ADGRL2: variants seen among roughly 807,000 people sequenced by gnomAD.
The protein encoded by ADGRL2 is adhesion G protein-coupled receptor L2, also known as calcium-independent alpha-latrotoxin receptor 2.
A neutral mutation model predicts 157.4 loss-of-function variants in ADGRL2; 44 were observed. The ratio of observed to expected loss-of-function variants is 0.28; its 90% CI spans 0.22 to 0.36. The LOEUF is 0.36. ADGRL2 is among the 10% of genes least tolerant of loss of function. ADGRL2 has a pLI of 1.00. For missense variants in ADGRL2, 1,510 were observed against 1,768.9 expected, an observed-to-expected ratio of 0.85 and a Z score of 2.63; for synonymous variants, 585 against 624.7, an observed-to-expected ratio of 0.94 and a Z score of 0.95.
intron 1 of ADGRL2, among the ~76,000 whole-genome samples, chr1:81,359,906 T>G (rs910378915): frequency 6.6e-6 from 1 of 152,014 alleles, no homozygotes; most frequent in South Asian, 2.1e-4. Flanking sequence ...CAAGTCCTTT[T>G]AGGCCTACTT....
intron 2 of ADGRL2, among the ~76,000 whole-genome samples, chr1:81,842,353 C>CTTT (rs71085377): frequency 0.054 from 2,988 of 54,902 alleles, 373 homozygotes; most frequent in African/African-American, 0.068. Flanking sequence ...TCTTTTAGCG[C>CTTT]TTTTTTTTTT....
chr1:81,886,457 A>G lies in ADGRL2; in HGVS notation c.74-20560A>G, dbSNP rs181543750. On this transcript the variant is annotated intron_variant, in intron 2 of 23. Transcript: ENST00000686636. The stretch of plus-strand genomic sequence containing the variant: ...AGTGCTGGGATTACAGGCATGAGCC[A>G]CCATGCCCAGCTGGTACACCTTTTA... Among the ~76,000 whole-genome samples, 98 of 152,328 alleles carry G rather than the reference A, an allele frequency of 6.4e-4. 1 individual carries two copies. Among genetic ancestry groups the G allele is most frequent in the African/African-American group, 2.3e-3 (94 of 41,584 alleles).
At chr1:81,923,443 T>A (rs1229493070) in intron 3 of ADGRL2, among the ~76,000 whole-genome samples, 1 of 152,166 alleles carries the variant, frequency 6.6e-6, no homozygotes, top group Non-Finnish European at 1.5e-5. Flanking sequence ...TGAATTTGGT[T>A]ATTTATATTC....
intron 5 of ADGRL2, 22 bp downstream of exon 5, chr1:81,942,067 C>A (rs759776310): frequency 2.6e-6 from 2 of 765,586 alleles, no homozygotes; most frequent in East Asian, 2.5e-5. Flanking sequence ...ACAGTCTGAA[C>A]CCCAGCTCCC....
In ADGRL2 at chr1:81,966,391, T is replaced by C. The variant is rs1657049270; in HGVS notation, c.2144-13T>C. The C allele has an allele frequency of 3.1e-6, 5 of 1,612,398 alleles. No homozygotes were observed. Among genetic ancestry groups the C allele is most frequent in the Middle Eastern group, 1.6e-4 (1 of 6,074 alleles). Reference sequence around the variant, plus strand: ...GTTTTTTGTACATCATGTGACTATTTTTACCTTCCTAGGGCTTGCAAAGTT... The same window carrying C: ...GTTTTTTGTACATCATGTGACTATTCTTACCTTCCTAGGGCTTGCAAAGTT... On this transcript the variant is annotated splice_polypyrimidine_tract_variant and intron_variant, in intron 12 of 23. Transcript: ENST00000686636.
At chr1:81,411,961 A>G (rs1450919431) in intron 1 of ADGRL2, among the ~76,000 whole-genome samples, 1 of 152,114 alleles carries the variant, frequency 6.6e-6, no homozygotes, top group African/African-American at 2.4e-5. Context: ...AGATTCTGAT[A>G]GCTCTTAGAC....
At chr1:81,915,511 T>C (rs1472985378) in intron 3 of ADGRL2, among the ~76,000 whole-genome samples, 1 of 152,216 alleles carries the variant, frequency 6.6e-6, no homozygotes, top group African/African-American at 2.4e-5. Flanking sequence ...TTTTGTATTA[T>C]GTCCATTGAT....
intron 2 of ADGRL2, among the ~76,000 whole-genome samples, chr1:81,763,622 C>T (rs1449438153): frequency 1.3e-5 from 2 of 150,242 alleles, no homozygotes; most frequent in Non-Finnish European, 3.0e-5. Flanking sequence ...TGGTGGCTCA[C>T]GCCTGTAATC....
At chr1:81,371,632 A>ATCAC (rs1230854292) in intron 1 of ADGRL2, among the ~76,000 whole-genome samples, 1 of 152,220 alleles carries the variant, frequency 6.6e-6, no homozygotes, top group Non-Finnish European at 1.5e-5. Flanking sequence ...AACCTGAAAT[A>ATCAC]TAGTGTAAAG....
intron 1 of ADGRL2, among the ~76,000 whole-genome samples, chr1:81,406,130 G>A (rs2076850114): frequency 6.6e-6 from 1 of 152,150 alleles, no homozygotes; most frequent in Non-Finnish European, 1.5e-5. Flanking sequence ...ACTCTTAGCT[G>A]CAGTATGAAA....
At chr1:81,426,444 G>A (rs1312787961) in intron 1 of ADGRL2, 2 of 382,754 alleles carry the variant, frequency 5.2e-6, no homozygotes, top group South Asian at 4.0e-5. Flanking sequence ...GAAGAGGTGA[G>A]TCCGGTCTCA....
chr1:81,409,268 C>G lies in ADGRL2; in HGVS notation c.-301-35768C>G, dbSNP rs1290534162. On this transcript the variant is annotated intron_variant, in intron 1 of 24. Transcript: ENST00000370721. ...TAAAAGGAGAATATAAAGGAGACACCTCCTACCTCTGGAAGGAACACAAAA... is the reference window on the plus strand; with the variant it reads ...TAAAAGGAGAATATAAAGGAGACACGTCCTACCTCTGGAAGGAACACAAAA... Among the ~76,000 whole-genome samples the G allele has an allele frequency of 2.3e-5, 3 of 133,286 alleles. No individual in the cohort carries two copies. In the East Asian group the frequency reaches 6.8e-4, roughly 30 times the overall value. The allele number at this position is 133,286 out of a possible 152,430, so 87.4% of individuals were successfully genotyped here. A position where few individuals can be genotyped will look rare whatever the true frequency, so the allele number is the denominator to read the frequency against.
intron 2 of ADGRL2, among the ~76,000 whole-genome samples, chr1:81,566,682 T>C (rs940671621): frequency 1.3e-5 from 2 of 152,136 alleles, no homozygotes; most frequent in African/African-American, 2.4e-5. Flanking sequence ...AATATGAATA[T>C]GCCTTACAGG....
chr1:81,563,431 A>G (rs952629623), intron 2 of ADGRL2, among the ~76,000 whole-genome samples: 9 of 152,226 alleles, frequency 5.9e-5, no homozygotes, highest in African/African-American at 1.9e-4. Context: ...GTTAGAAAGC[A>G]TTACCTAAAA....
chr1:81,528,021 C>T (rs2079506106), intron 2 of ADGRL2, among the ~76,000 whole-genome samples: 1 of 151,740 alleles, frequency 6.6e-6, no homozygotes. Context: ...GAGCCGAGAT[C>T]GCGTCACTGC....
intron 23 of ADGRL2, chr1:81,989,975 A>G (rs1351278517): frequency 1.0e-6 from 1 of 984,402 alleles, no homozygotes; most frequent in Non-Finnish European, 1.2e-6. Context: ...AGTGTTGTTT[A>G]GGACAAATTC....
chr1:81,958,682 A>G (rs1029528871), intron 11 of ADGRL2, among the ~76,000 whole-genome samples: 4 of 152,180 alleles, frequency 2.6e-5, no homozygotes, highest in Admixed American at 2.6e-4. Flanking sequence ...TTTTAAGTGT[A>G]TAGTTTGATG....
At chr1:81,571,701 A>T (rs2080697048) in intron 2 of ADGRL2, among the ~76,000 whole-genome samples, 2 of 152,216 alleles carry the variant, frequency 1.3e-5, no homozygotes, top group Middle Eastern at 3.4e-3. Flanking sequence ...TCACTCTAAA[A>T]ATATTAAGTC....
At chr1:81,976,636 A>T (rs1410727389) in intron 17 of ADGRL2, among the ~76,000 whole-genome samples, 2 of 152,060 alleles carry the variant, frequency 1.3e-5, no homozygotes, top group Non-Finnish European at 2.9e-5. Context: ...TTGCACTTGG[A>T]TTTATGAGCT....
Sources: gnomAD v4.1 joint callset for allele counts (sites outside exome capture counted in the v4.1 genomes callset) on GRCh38, gnomAD v4.1.1 for gene constraint, MANE v1.5 for transcripts, NCBI Gene and HGNC (gene_info 2026-07-23, HGNC 2026-07-21) for gene names.